PCSK5: variants seen among roughly 807,000 people sequenced by gnomAD.
PCSK5 encodes proprotein convertase subtilisin/kexin type 5, also known as prohormone convertase 5.
In PCSK5, 129 loss-of-function variants were observed where a neutral mutation model predicts 233.2. That is an observed-to-expected ratio of 0.55 (90% CI 0.48 to 0.64). The LOEUF (loss-of-function observed/expected upper bound fraction) is 0.64. Among genes scored for constraint, PCSK5 ranks in the 30% least tolerant of loss-of-function variants. The probability of loss-of-function intolerance (pLI) is 0.00; values close to 1 mark genes in which losing one functional copy is unlikely to be tolerated. For missense variants in PCSK5, 2,076 were observed against 2,430.1 expected, an observed-to-expected ratio of 0.85 and a Z score of 3.06; for synonymous variants, 825 against 879.2, an observed-to-expected ratio of 0.94 and a Z score of 1.09.
intron 33 of PCSK5, among the ~76,000 whole-genome samples, chr9:76,329,861 C>T (rs925127451): frequency 9.9e-5 from 15 of 152,000 alleles, no homozygotes; most frequent in Non-Finnish European, 2.2e-4. Context: ...AGGAAAAATA[C>T]AGTCTTCATT....
intron 10 of PCSK5, among the ~76,000 whole-genome samples, chr9:76,137,055 C>A (rs1336303926): frequency 2.0e-5 from 3 of 152,118 alleles, no homozygotes; most frequent in Admixed American, 1.3e-4. Flanking sequence ...GATGTGTGAG[C>A]TAGACTTGTG....
chr9:76,077,480 A>G (rs756130818), intron 7 of PCSK5, among the ~76,000 whole-genome samples: 58 of 152,132 alleles, frequency 3.8e-4, no homozygotes, highest in Middle Eastern at 3.4e-3. Context: ...TACGTGGGTA[A>G]ATTGTGTGAT....
intron 35 of PCSK5, among the ~76,000 whole-genome samples, chr9:76,347,351 T>G (rs1021931490): frequency 2.6e-5 from 4 of 152,204 alleles, no homozygotes; most frequent in African/African-American, 7.2e-5. Context: ...CCAGAGCTCC[T>G]GCAGAACCTT....
intron 5 of PCSK5, among the ~76,000 whole-genome samples, chr9:76,031,763 G>T (rs1231755257): frequency 6.6e-6 from 1 of 152,124 alleles, no homozygotes; most frequent in East Asian, 1.9e-4. Context: ...CTACATAATA[G>T]ATGCTACATA....
chr9:76,119,857 T>C (rs1315381513), intron 9 of PCSK5, among the ~76,000 whole-genome samples: 1 of 152,060 alleles, frequency 6.6e-6, no homozygotes, highest in African/African-American at 2.4e-5. Context: ...ATAGTCACCC[T>C]GCTGTGCCAT....
At chr9:76,192,945 G>GTGTT (rs979197824) in intron 20 of PCSK5, among the ~76,000 whole-genome samples, 2 of 150,250 alleles carry the variant, frequency 1.3e-5, no homozygotes, top group African/African-American at 4.9e-5. Flanking sequence ...TTTCTTGCTT[G>GTGTT]TGTTATTAAT....
intron 3 of PCSK5, among the ~76,000 whole-genome samples, chr9:76,002,006 T>C (rs1827283147): frequency 1.3e-5 from 2 of 152,304 alleles, no homozygotes; most frequent in Non-Finnish European, 2.9e-5. Context: ...ATTTAATGTG[T>C]AACAGAAGGG....
intron 35 of PCSK5, among the ~76,000 whole-genome samples, chr9:76,348,450 T>C (rs1830034784): frequency 1.3e-5 from 2 of 151,682 alleles, no homozygotes; most frequent in South Asian, 4.2e-4. Context: ...GGGTATGGGG[T>C]GTGTGCCTGT....
intron 2 of PCSK5, among the ~76,000 whole-genome samples, chr9:75,934,268 C>T (rs138273997): frequency 1.1e-4 from 17 of 152,280 alleles, no homozygotes; most frequent in Non-Finnish European, 1.6e-4. Context: ...ATTCCAATGC[C>T]GTCTGCTCAT....
chr9:76,135,007 A>G (rs1822911520), intron 10 of PCSK5, among the ~76,000 whole-genome samples: 1 of 152,092 alleles, frequency 6.6e-6, no homozygotes, highest in African/African-American at 2.4e-5. Context: ...GTTTATATCT[A>G]CAGACTTAAA....
chr9:76,234,509 GAA>G (rs1363160274), intron 22 of PCSK5, among the ~76,000 whole-genome samples: 1 of 152,126 alleles, frequency 6.6e-6, no homozygotes, highest in Non-Finnish European at 1.5e-5. Context: ...GAAAAATGAA[GAA>G]CACATTGAGA....
At position 75,932,450 on chromosome 9, in the gene PCSK5, A is replaced by G; in HGVS notation, c.264A>G (p.Arg88=). 1 of 1,612,572 alleles carries G rather than the reference A, an allele frequency of 6.2e-7. No individual in the cohort carries two copies. Among genetic ancestry groups the G allele is most frequent in the Non-Finnish European group, 8.5e-7 (1 of 1,178,608 alleles). Residue 88 remains arginine (R), a synonymous_variant, in exon 2 of 38, where the codon AGA becomes AGG. Transcript: ENST00000674117. The part of the protein sequence containing the change: ...RTIKRSVISS[R]GTHSFISMEP... ...TTAAAAGGTCAGTTATCTCGAGCAG[A>G]GGGACCCACAGTTTCATTTCAATGG...
intron 13 of PCSK5, among the ~76,000 whole-genome samples, chr9:76,171,742 A>G (rs374467598): frequency 6.6e-6 from 1 of 152,182 alleles, no homozygotes; most frequent in African/African-American, 2.4e-5. Context: ...ATTTAACCCT[A>G]GTCACCTCCA....
At chr9:76,274,020 T>C (rs937697459) in intron 24 of PCSK5, among the ~76,000 whole-genome samples, 4 of 151,840 alleles carry the variant, frequency 2.6e-5, no homozygotes, top group East Asian at 1.9e-4. Context: ...TTATCAAATA[T>C]TGTACCTTTC....
At chr9:76,193,420 G>GA (rs1824516422) in intron 20 of PCSK5, 1 of 728,294 alleles carries the variant, frequency 1.4e-6, no homozygotes, top group Non-Finnish European at 1.8e-6. Context: ...AAAGAAAAAA[G>GA]CCAAAAAGAA....
chr9:76,226,485 G>C (rs10746997), intron 20 of PCSK5, among the ~76,000 whole-genome samples: 1 of 151,904 alleles, frequency 6.6e-6, no homozygotes, highest in African/African-American at 2.4e-5. Flanking sequence ...GTAAGACAAC[G>C]TGATTAAACC....
chr9:75,907,467 G>A (rs955257567), intron 1 of PCSK5, among the ~76,000 whole-genome samples: 1 of 152,104 alleles, frequency 6.6e-6, no homozygotes. Context: ...GTGTGGATTC[G>A]AAAGTCCAGG....
At chr9:76,339,839 G>T (rs868732329) in intron 35 of PCSK5, among the ~76,000 whole-genome samples, 1 of 152,012 alleles carries the variant, frequency 6.6e-6, no homozygotes, top group Admixed American at 6.6e-5. Context: ...CACCGCACCC[G>T]GCCAATAAAT....
In PCSK5 at chr9:76,048,277, G is replaced by A. The variant is rs1829494914; in HGVS notation, c.633-19678G>A. Among the ~76,000 whole-genome samples the A allele has an allele frequency of 2.6e-5, 4 of 152,164 alleles. No homozygotes were observed. The South Asian group carries it at 8.3e-4, about 32-fold the overall frequency. On this transcript the variant is annotated intron_variant, in intron 5 of 37. Coordinates refer to ENST00000674117, the MANE Select transcript of PCSK5 (RefSeq NM_001372043.1). ...AGTCATGGCACTGAAAAGGAGAGGG[G>A]TGCTCGAATTGGCACAGGTTTCATT...
Sources: gnomAD v4.1 joint callset for allele counts (sites outside exome capture counted in the v4.1 genomes callset) on GRCh38, gnomAD v4.1.1 for gene constraint, MANE v1.5 for transcripts, NCBI Gene and HGNC (gene_info 2026-07-23, HGNC 2026-07-21) for gene names.